CD200R1: variants seen among roughly 807,000 people sequenced by gnomAD.
CD200R1 encodes the protein CD200 receptor 1.
Under a neutral mutation model 38.1 loss-of-function variants are expected in CD200R1, and 30 were observed. That is an observed-to-expected ratio of 0.79 (90% CI 0.59 to 1.07). The LOEUF is 1.07. CD200R1 is among the 50% of genes least tolerant of loss of function. CD200R1 has a pLI of 0.00. For synonymous variants in CD200R1, 128 were observed against 152.1 expected (o/e 0.84, Z 1.16); for missense variants, 372 against 415.4 (o/e 0.90, Z 0.91).
chr3:112,948,584 C>G (rs1940913488), intron 1 of CD200R1, among the ~76,000 whole-genome samples: 1 of 152,188 alleles, frequency 6.6e-6, no homozygotes, highest in Non-Finnish European at 1.5e-5. Flanking sequence ...ATGCCTCCAA[C>G]TGATCTGACA....
At chr3:112,961,949 A>G (rs963657784) in intron 1 of CD200R1, among the ~76,000 whole-genome samples, 2 of 152,182 alleles carry the variant, frequency 1.3e-5, no homozygotes, top group Admixed American at 1.3e-4. Flanking sequence ...AATAAAACAT[A>G]CAGATGGGTT....
rs551287155 is a variant in CD200R1, at chr3:112,924,640, TAGA to T, written c.879-108_879-106del. The T allele has an allele frequency of 2.2e-5, 14 of 647,630 alleles. No individual in the cohort carries two copies. The South Asian group carries it at 6.7e-4, about 31-fold the overall frequency. The allele number at this position is 647,630 out of a possible 1,614,324, so 40.1% of individuals were successfully genotyped here. ...TATTGACAATTGTGTTTAATTTTGA[TAGA>T]AGCCATAATAAATCAGAAAGAAACT... is the stretch of plus-strand genomic sequence containing the variant. On this transcript the variant is annotated intron_variant, in intron 6 of 7. Coordinates refer to ENST00000308611, the MANE Select transcript of CD200R1 (RefSeq NM_138806.4).
chr3:112,928,696 G>A, intron 5 of CD200R1, 120 bp downstream of exon 5: 1 of 745,228 alleles, frequency 1.3e-6, no homozygotes, highest in Non-Finnish European at 2.1e-6. Context: ...TCAGGGAAGA[G>A]ATAAAAATGA....
chr3:112,967,185 C>T (rs1015439959), intron 1 of CD200R1, among the ~76,000 whole-genome samples: 5 of 152,080 alleles, frequency 3.3e-5, no homozygotes, highest in African/African-American at 1.2e-4. Flanking sequence ...TCACCAAAGT[C>T]TCAGCTGCTT....
chr3:112,947,820 C>T, intron 2 of CD200R1, 36 bp downstream of exon 2: 1 of 1,399,396 alleles, frequency 7.1e-7, no homozygotes, highest in Non-Finnish European at 1.0e-6. Flanking sequence ...ATCAAGCACT[C>T]CCCTACTAGA....
chr3:112,974,817 A>C lies in CD200R1; in HGVS notation c.41T>G (p.Leu14Trp). Residue 14 changes from leucine (L) to tryptophan (W), a missense_variant, in exon 1 of 8, where the codon TTG becomes TGG. Leu to Trp is a moderately conservative substitution (Grantham distance 61). Transcript: ENST00000308611. ...GGCCACTAAGAAGATAGTCAAAATCAACAGTAGCCCTAGGTTAGCAGTTCT... is the reference window on the plus strand; with the variant it reads ...GGCCACTAAGAAGATAGTCAAAATCCACAGTAGCCCTAGGTTAGCAGTTCT... ...PWRTANLGLL[L>W]ILTIFLVAEA... The C allele has an allele frequency of 6.2e-7, 1 of 1,613,424 alleles. No homozygotes were observed. Among genetic ancestry groups the C allele is most frequent in the South Asian group, 1.1e-5 (1 of 91,066 alleles).
At chr3:112,953,587 G>A (rs1455109892) in intron 1 of CD200R1, among the ~76,000 whole-genome samples, 1 of 152,154 alleles carries the variant, frequency 6.6e-6, no homozygotes. Flanking sequence ...GGACTTCTCT[G>A]ATGGATGATT....
chr3:112,931,035 T>C, intron 3 of CD200R1, 71 bp downstream of exon 3: 1 of 1,091,882 alleles, frequency 9.2e-7, no homozygotes, highest in Non-Finnish European at 1.4e-6. Context: ...AGTCAGGTCA[T>C]TAGCTAATAT....
intron 2 of CD200R1, among the ~76,000 whole-genome samples, chr3:112,938,016 C>G (rs995744360): frequency 6.6e-6 from 1 of 152,068 alleles, no homozygotes; most frequent in African/African-American, 2.4e-5. Context: ...TATAGGAATA[C>G]TAGCAATTTT....
intron 2 of CD200R1, among the ~76,000 whole-genome samples, chr3:112,931,532 A>T (rs904828445): frequency 3.0e-4 from 45 of 152,172 alleles, no homozygotes; most frequent in Non-Finnish European, 5.3e-4. Context: ...TTCTTCAGCT[A>T]CCACTTCCCA....
intron 1 of CD200R1, among the ~76,000 whole-genome samples, chr3:112,966,011 C>G (rs1050170239): frequency 2.6e-5 from 4 of 152,156 alleles, no homozygotes; most frequent in African/African-American, 9.7e-5. Flanking sequence ...TTAACAAACA[C>G]TTGTTAGTAC....
chr3:112,954,889 C>T (rs963097818), intron 1 of CD200R1, among the ~76,000 whole-genome samples: 2 of 152,150 alleles, frequency 1.3e-5, no homozygotes, highest in Non-Finnish European at 2.9e-5. Flanking sequence ...GTCATGGGAA[C>T]CGAGTCTTAT....
intron 3 of CD200R1, 102 bp from the exon 4 acceptor site, chr3:112,929,609 G>A: frequency 2.1e-5 from 22 of 1,068,728 alleles, no homozygotes; most frequent in South Asian, 1.3e-4. Context: ...TAACTTTGTT[G>A]GTGATCTTAT....
intron 1 of CD200R1, among the ~76,000 whole-genome samples, chr3:112,955,122 G>C (rs1251830059): frequency 6.6e-6 from 1 of 152,200 alleles, no homozygotes; most frequent in East Asian, 1.9e-4. Context: ...AAACCAATTT[G>C]AGTTGTTTTT....
In CD200R1 at chr3:112,974,849, G is replaced by A; in HGVS notation, c.9C>T (p.Cys3=). Residue 3 remains cysteine (C), a synonymous_variant, in exon 1 of 8, where the codon TGC becomes TGT. Transcript: ENST00000308611. ...GCCCTAGGTTAGCAGTTCTCCAAGG[G>A]CAGAGCATTTCTGTTTTCTCTTTTT... The part of the protein sequence containing the change: ML[C]PWRTANLGLL... 6.2e-7 allele frequency: 1 copy of A among 1,613,048 alleles called. No individual in the cohort carries two copies. Among genetic ancestry groups the A allele is most frequent in the Admixed American group, 1.7e-5 (1 of 59,896 alleles).
intron 2 of CD200R1, among the ~76,000 whole-genome samples, chr3:112,941,005 A>G (rs1940714801): frequency 6.6e-6 from 1 of 151,834 alleles, no homozygotes; most frequent in African/African-American, 2.4e-5. Context: ...TCACAGCAAC[A>G]TGGATGGAAC....
chr3:112,943,854 C>T (rs1244080004), intron 2 of CD200R1, among the ~76,000 whole-genome samples: 3 of 151,634 alleles, frequency 2.0e-5, no homozygotes, highest in African/African-American at 7.3e-5. Flanking sequence ...TTTGACAACA[C>T]AGATGAAATA....
chr3:112,972,028 A>G (rs1576158409), intron 1 of CD200R1, among the ~76,000 whole-genome samples: 1 of 152,184 alleles, frequency 6.6e-6, no homozygotes, highest in East Asian at 1.9e-4. Flanking sequence ...AATGTTCACC[A>G]ATTGTTTCAT....
chr3:112,960,576 G>C (rs768887702), intron 1 of CD200R1, among the ~76,000 whole-genome samples: 1 of 151,896 alleles, frequency 6.6e-6, no homozygotes, highest in Non-Finnish European at 1.5e-5. Flanking sequence ...CATATACACA[G>C]TATGATTCCG....
Sources: gnomAD v4.1 joint callset for allele counts (sites outside exome capture counted in the v4.1 genomes callset) on GRCh38, gnomAD v4.1.1 for gene constraint, MANE v1.5 for transcripts, NCBI Gene and HGNC (gene_info 2026-07-23, HGNC 2026-07-21) for gene names.